PER3: variants seen among roughly 807,000 people sequenced by gnomAD.
The protein encoded by PER3 is period circadian regulator 3.
PER3 carries 107 observed loss-of-function variants against 127.2 expected under a neutral mutation model. The observed-to-expected ratio is 0.84, with a 90% CI of 0.72 to 0.99. The LOEUF is 0.99. Among genes scored for constraint, PER3 ranks in the 50% least tolerant of loss-of-function variants. The pLI is 0.00. For synonymous variants in PER3, 618 were observed against 585.8 expected, an observed-to-expected ratio of 1.05 and a Z score of -0.79; for missense variants, 1,560 against 1,525.8, an observed-to-expected ratio of 1.02 and a Z score of -0.37.
rs772104451 is a variant in PER3 at position 7,827,787 on chromosome 1, G to A, written c.2858G>A (p.Arg953Lys). 2.5e-6 allele frequency: 4 copies of A among 1,613,318 alleles called. No homozygotes were observed. Among genetic ancestry groups the A allele is most frequent in the Non-Finnish European group, 3.4e-6 (4 of 1,179,584 alleles). ...CCCTCTGAATCTCCAGATCAGATGA[G>A]AAGGAACACGTGCCCACAAACTGAG... ...PRPSESPDQM[R>K]RNTCPQTEYQ... The change falls in exon 18 of 22, where the codon AGA becomes AAA. Residue 953 changes from arginine (R) to lysine (K), a missense_variant. Arg to Lys is a conservative substitution (Grantham distance 26, BLOSUM62 2). Transcript: ENST00000377532.
intron 11 of PER3, 123 bp from the exon 12 acceptor site, chr1:7,809,770 C>A: frequency 1.1e-6 from 1 of 925,320 alleles, no homozygotes; most frequent in Non-Finnish European, 1.6e-6. Context: ...TACCAACCTG[C>A]ACACACCTAA....
Position 7,827,427 on chromosome 1 carries a change from A to G in PER3, c.2498A>G (p.His833Arg), listed in dbSNP as rs1316702750. The G allele has an allele frequency of 1.2e-6, 2 of 1,614,182 alleles. No individual in the cohort carries two copies. Among genetic ancestry groups the G allele is most frequent in the Admixed American group, 1.7e-5 (1 of 60,028 alleles). ...AAPGTAPEGL[H>R]GLPLSEGLQP... ...CCCGGAACTGCACCGGAAGGCCTGCATGGGCTGCCCTTGTCCGAGGGCTTG... is the reference window on the plus strand; with the variant it reads ...CCCGGAACTGCACCGGAAGGCCTGCGTGGGCTGCCCTTGTCCGAGGGCTTG... Residue 833 changes from histidine (H) to arginine (R), a missense_variant, in exon 18 of 22, where the codon CAT becomes CGT. Coordinates refer to ENST00000377532, the MANE Select transcript of PER3 (RefSeq NM_001377275.1).
Position 7,844,607 on chromosome 1 carries a change from T to C in PER3, c.*1852T>C, listed in dbSNP as rs1442179402. 6.5e-6 allele frequency: 1 copy of C among 152,826 alleles called. No homozygotes were observed. The highest frequency in any genetic ancestry group is 2.4e-5 in the African/African-American group (1 of 41,480). The allele number at this position is 152,826 out of a possible 1,614,324, so 9.5% of individuals were successfully genotyped here. ...CCATTGTTTCTGGATATTTGTATTA[T>C]CCAAATGTGCTTATTTCTTTGCCTT... is the stretch of plus-strand genomic sequence containing the variant. On this transcript the variant is annotated 3_prime_UTR_variant, in exon 22 of 22. Coordinates refer to ENST00000377532, the MANE Select transcript of PER3 (RefSeq NM_001377275.1).
chr1:7,830,074 A>T lies in PER3; in HGVS notation c.3127A>T (p.Arg1043Trp), dbSNP rs1319121727. The T allele has an allele frequency of 6.2e-7, 1 of 1,612,722 alleles. No individual in the cohort carries two copies. The highest frequency in any genetic ancestry group is 8.5e-7 in the Non-Finnish European group (1 of 1,179,222). ...STLSMGLPPS[R>W]TPSHPTATVL... ...ACTGTCCATGGGATTGCCTCCCAGC[A>T]GGACTCCATCCCATCCTACTGCCAC... is the stretch of plus-strand genomic sequence containing the variant. The change falls in exon 19 of 22, where the codon AGG becomes TGG. Residue 1043 changes from arginine (R) to tryptophan (W), a missense_variant. Transcript: ENST00000377532.
chr1:7,820,172 TACA>T lies in PER3; in HGVS notation c.1719_1721del (p.Thr574del). Reference sequence around the variant, plus strand: ...AAAGAAAGTGTATCTCCTGTACAAATACAACTTCTTCCTCCTCAGAAGAAGACA... The same window carrying T: ...AAAGAAAGTGTATCTCCTGTACAAATACTTCTTCCTCCTCAGAAGAAGACA... On this transcript the variant is annotated inframe_deletion, in exon 15 of 22. Coordinates refer to ENST00000377532, the MANE Select transcript of PER3 (RefSeq NM_001377275.1). 4 of 1,613,530 alleles carry T rather than the reference TACA, an allele frequency of 2.5e-6. No homozygotes were observed. The highest frequency in any genetic ancestry group is 1.7e-6 in the Non-Finnish European group (2 of 1,179,442).
In PER3 at chr1:7,844,592, T is replaced by A. The variant is rs2097403492; in HGVS notation, c.*1837T>A. ...AGAAGCCTTTCTTTTCCATTGTTTC[T>A]GGATATTTGTATTATCCAAATGTGC... On this transcript the variant is annotated 3_prime_UTR_variant, in exon 22 of 22. Coordinates refer to ENST00000377532, the MANE Select transcript of PER3 (RefSeq NM_001377275.1). 1 of 152,830 alleles carries A rather than the reference T, an allele frequency of 6.5e-6. No homozygotes were observed. The allele number at this position is 152,830 out of a possible 1,614,324, so 9.5% of individuals were successfully genotyped here.
intron 19 of PER3, among the ~76,000 whole-genome samples, 176 bp downstream of exon 19, chr1:7,830,337 G>C (rs574682057): frequency 2.0e-5 from 3 of 152,184 alleles, no homozygotes; most frequent in Admixed American, 6.5e-5. Flanking sequence ...AAATTCACCA[G>C]TTTGAGGGGT....
intron 5 of PER3, among the ~76,000 whole-genome samples, chr1:7,791,683 T>C (rs868146907): frequency 2.6e-5 from 4 of 152,386 alleles, no homozygotes; most frequent in South Asian, 2.1e-4. Context: ...CAAGTTGTTA[T>C]GCTCTGCTTC....
At position 7,803,086 on chromosome 1, in the gene PER3, T is replaced by G; in HGVS notation, c.912T>G (p.Ile304Met). 1 of 1,613,792 alleles carries G rather than the reference T, an allele frequency of 6.2e-7. No individual in the cohort carries two copies. The highest frequency in any genetic ancestry group is 1.1e-5 in the South Asian group (1 of 91,076). Residue 304 changes from isoleucine to methionine, a missense_variant, in exon 9 of 22, where the codon ATT (isoleucine) becomes ATG (methionine). By Grantham distance (10) the Ile-to-Met change is conservative. This residue lies in a region of PER3 where 1,332 missense variants were observed against 1,223.6 expected (regional missense o/e 1.09). Transcript: ENST00000377532. ...PLLGYLPQDL[I>M]GTSILSYLHP... ...TGGGTTACCTACCTCAGGACCTGAT[T>G]GGAACATCGATCCTAAGCTACCTGC...
At chr1:7,840,268 G>A (rs1281369328) in intron 21 of PER3, among the ~76,000 whole-genome samples, 1 of 151,138 alleles carries the variant, frequency 6.6e-6, no homozygotes, top group East Asian at 1.9e-4. Flanking sequence ...TACATTGTTT[G>A]TACATTGTTT....
intron 16 of PER3, among the ~76,000 whole-genome samples, chr1:7,821,446 C>T (rs933747461): frequency 4.6e-5 from 7 of 152,164 alleles, no homozygotes; most frequent in Admixed American, 1.3e-4. Flanking sequence ...GAGAGCATTA[C>T]GTTTCTAATT....
chr1:7,787,428 C>T (rs1476975187), intron 4 of PER3: 1 of 422,760 alleles, frequency 2.4e-6, no homozygotes, highest in Non-Finnish European at 4.6e-6. Context: ...TGCGCAATCC[C>T]TAGTATTATA....
chr1:7,806,801 A>G (rs1577748435), intron 10 of PER3, among the ~76,000 whole-genome samples: 1 of 56,700 alleles, frequency 1.8e-5, no homozygotes, highest in East Asian at 7.7e-4. Context: ...CTCTTAAAAA[A>G]AAAAAAAAAA....
In PER3 at chr1:7,803,715, C is replaced by A; in HGVS notation, c.1003C>A (p.Pro335Thr). The A allele has an allele frequency of 6.2e-7, 1 of 1,605,716 alleles. No individual in the cohort carries two copies. The highest frequency in any genetic ancestry group is 8.5e-7 in the Non-Finnish European group (1 of 1,172,568). ...AGTTTTGAAGTATGCAGGGCATCCTCCCTTTGAACATTCTCCCATTCGATT... is the reference window on the plus strand; with the variant it reads ...AGTTTTGAAGTATGCAGGGCATCCTACCTTTGAACATTCTCCCATTCGATT... ...QKVLKYAGHP[P>T]FEHSPIRFCT... The change falls in exon 10 of 22, where the codon CCC (proline) becomes ACC (threonine). Residue 335 changes from proline to threonine, a missense_variant. Transcript: ENST00000377532.
At chr1:7,820,788 G>T in intron 16 of PER3, 148 bp downstream of exon 16, 2 of 629,492 alleles carry the variant, frequency 3.2e-6, no homozygotes, top group Non-Finnish European at 5.4e-6. Context: ...AAGTATTTCT[G>T]GAAACATTAT....
intron 10 of PER3, among the ~76,000 whole-genome samples, chr1:7,807,025 G>C (rs2150782851): frequency 6.6e-6 from 1 of 151,932 alleles, no homozygotes; most frequent in Non-Finnish European, 1.5e-5. Context: ...TTTATTCCCA[G>C]ATCAATCAAC....
At chr1:7,829,611 C>T (rs532331431) in intron 18 of PER3, among the ~76,000 whole-genome samples, 1 of 152,276 alleles carries the variant, frequency 6.6e-6, no homozygotes, top group South Asian at 2.1e-4. Flanking sequence ...CTATCACAGG[C>T]TGGAAGCAAT....
In PER3 at chr1:7,823,757, TAAG is replaced by T. The variant is rs533485902; in HGVS notation, c.1958-2720_1958-2718del. On this transcript the variant is annotated intron_variant, in intron 16 of 21. Transcript: ENST00000377532. ...AACTGATAAAAACATAGAGAAAAAA[TAAG>T]AAACAGATGATCCATACAACACTAT... 7.9e-5 allele frequency among the ~76,000 whole-genome samples: 12 copies of T among 151,546 alleles called. No homozygotes were observed. The South Asian group carries it at 2.5e-3, about 32-fold the overall frequency.
chr1:7,804,491 C>T (rs933244451), intron 10 of PER3, among the ~76,000 whole-genome samples: 2 of 151,518 alleles, frequency 1.3e-5, no homozygotes, highest in African/African-American at 4.9e-5. Context: ...CCTTAACCTC[C>T]CCTGGCTCAG....
Sources: gnomAD v4.1 joint callset for allele counts (sites outside exome capture counted in the v4.1 genomes callset) on GRCh38, gnomAD v4.1.1 for gene constraint, gnomAD v4.1.1 regional missense constraint, MANE v1.5 for transcripts, NCBI Gene and HGNC (gene_info 2026-07-23, HGNC 2026-07-21) for gene names.